The following HMCN1 variants were observed in gnomAD, a reference collection of about 807,000 sequenced individuals.
HMCN1 encodes hemicentin 1, also known as hemicentin-1.
A neutral mutation model predicts 625.9 loss-of-function variants in HMCN1; 321 were observed. That is an observed-to-expected ratio of 0.51 (90% CI 0.47 to 0.56). The LOEUF (loss-of-function observed/expected upper bound fraction) is 0.56, where lower values mean the gene tolerates loss of function less well. HMCN1 is among the 20% of genes least tolerant of loss of function. HMCN1 has a pLI of 0.00. For missense variants in HMCN1, 6,588 were observed against 6,887.3 expected, an observed-to-expected ratio of 0.96 and a Z score of 1.54; for synonymous variants, 2,425 against 2,417.6, an observed-to-expected ratio of 1.00 and a Z score of -0.09.
At chr1:185,753,737 C>A (rs1018760314) in intron 1 of HMCN1, among the ~76,000 whole-genome samples, 2 of 152,074 alleles carry the variant, frequency 1.3e-5, no homozygotes, top group Admixed American at 1.3e-4. Context: ...TCAACTTACA[C>A]CTGTAAGGAT....
chr1:186,088,566 G>A (rs545752872), intron 62 of HMCN1, 40 bp from the exon 63 acceptor site: 4 of 1,599,546 alleles, frequency 2.5e-6, no homozygotes, highest in South Asian at 2.2e-5. Context: ...AAAGTTTAAA[G>A]GTTTTTTTAT....
chr1:186,060,591 A>G (rs1657624518), intron 46 of HMCN1, among the ~76,000 whole-genome samples: 1 of 152,152 alleles, frequency 6.6e-6, no homozygotes, highest in Non-Finnish European at 1.5e-5. Flanking sequence ...TTCAAACAAA[A>G]TGTTACATAG....
intron 64 of HMCN1, among the ~76,000 whole-genome samples, chr1:186,091,931 T>C (rs1186250482): frequency 6.6e-6 from 1 of 152,012 alleles, no homozygotes; most frequent in Non-Finnish European, 1.5e-5. Flanking sequence ...TAAGTTTTAT[T>C]TCTCTGGTGT....
At chr1:185,807,415 A>T (rs1316274469) in intron 1 of HMCN1, among the ~76,000 whole-genome samples, 2 of 152,202 alleles carry the variant, frequency 1.3e-5, no homozygotes, top group Non-Finnish European at 2.9e-5. Context: ...AGGAAAGCAA[A>T]CTAGCATATT....
chr1:185,740,949 G>T (rs1444541011), intron 1 of HMCN1, among the ~76,000 whole-genome samples: 10 of 152,116 alleles, frequency 6.6e-5, no homozygotes, highest in Admixed American at 6.5e-4. Context: ...AGCTGAGATT[G>T]GACCATTGCA....
intron 1 of HMCN1, among the ~76,000 whole-genome samples, chr1:185,751,616 TA>T (rs1373169532): frequency 6.6e-6 from 1 of 152,184 alleles, no homozygotes; most frequent in East Asian, 1.9e-4. Flanking sequence ...CTCCCCTTCA[TA>T]AAACCTTGTT....
rs187193569 is a variant in HMCN1 at position 185,926,278 on chromosome 1, G to A, written c.1430+1087G>A. On this transcript the variant is annotated intron_variant, in intron 9 of 106. Coordinates refer to ENST00000271588, the MANE Select transcript of HMCN1 (RefSeq NM_031935.3). ...TCAGCTTATACAATCGCTTTATGGG[G>A]AGTCATTTTAATCAAAAATTTATGG... 7.4e-3 allele frequency among the ~76,000 whole-genome samples: 1,122 copies of A among 152,184 alleles called. 10 individuals carry two copies. The highest frequency in any genetic ancestry group is 9.9e-3 in the Non-Finnish European group (672 of 68,006).
chr1:185,744,872 T>C (rs1349980057), intron 1 of HMCN1, among the ~76,000 whole-genome samples: 1 of 152,168 alleles, frequency 6.6e-6, no homozygotes, highest in Non-Finnish European at 1.5e-5. Flanking sequence ...GTTTTTATTT[T>C]AGATCTCTAT....
chr1:185,776,083 T>G (rs1656585295), intron 1 of HMCN1, among the ~76,000 whole-genome samples: 1 of 152,246 alleles, frequency 6.6e-6, no homozygotes, highest in African/African-American at 2.4e-5. Flanking sequence ...TACAGTTTAC[T>G]AGGTGATAAG....
chr1:185,879,884 G>A (rs1456890659), intron 4 of HMCN1, among the ~76,000 whole-genome samples: 1 of 152,150 alleles, frequency 6.6e-6, no homozygotes, highest in Admixed American at 6.6e-5. Flanking sequence ...ACACTGTAGT[G>A]ACAGTAAGAC....
At chr1:185,748,531 T>C (rs913708865) in intron 1 of HMCN1, among the ~76,000 whole-genome samples, 28 of 152,230 alleles carry the variant, frequency 1.8e-4, no homozygotes, top group Admixed American at 1.7e-3. Flanking sequence ...ATTTGTGCCT[T>C]TGATAATATT....
At chr1:185,930,634 T>C (rs1667495683) in intron 10 of HMCN1, among the ~76,000 whole-genome samples, 1 of 152,176 alleles carries the variant, frequency 6.6e-6, no homozygotes, top group Non-Finnish European at 1.5e-5. Flanking sequence ...GCCTCAATTT[T>C]TGCCAGCACT....
chr1:185,848,561 A>T (rs1283302505), intron 2 of HMCN1, among the ~76,000 whole-genome samples: 1 of 152,080 alleles, frequency 6.6e-6, no homozygotes, highest in African/African-American at 2.4e-5. Flanking sequence ...AATATGCTTT[A>T]GCCTTGACCT....
chr1:186,181,759 T>C (rs1652949896), intron 104 of HMCN1, among the ~76,000 whole-genome samples: 1 of 152,138 alleles, frequency 6.6e-6, no homozygotes, highest in Admixed American at 6.6e-5. Context: ...ATAGTCCTTT[T>C]TGCAAGTAAT....
chr1:186,068,101 T>C (rs1658243424), intron 50 of HMCN1, 94 bp downstream of exon 50: 3 of 1,192,528 alleles, frequency 2.5e-6, no homozygotes, highest in Admixed American at 3.4e-5. Flanking sequence ...AAAACACCAA[T>C]GTTTTGTTGG....
Position 186,074,778 on chromosome 1 carries a change from A to G in HMCN1, c.8177A>G (p.Asn2726Ser), listed in dbSNP as rs1478872199. ...GATGATCATGTTAATATTGCTGCGA[A>G]TGGACACACACTTCAAATAAAGGAG... The part of the protein sequence containing the change: ...KSDDHVNIAA[N>S]GHTLQIKEAQ... The change falls in exon 53 of 107, where the codon AAT (asparagine) becomes AGT (serine). Residue 2726 changes from asparagine (N) to serine (S), a missense_variant. Physicochemically the swap from Asn to Ser is conservative, Grantham distance 46. Transcript: ENST00000271588. 3 of 1,612,958 alleles carry G rather than the reference A, an allele frequency of 1.9e-6. No individual in the cohort carries two copies. Among genetic ancestry groups the G allele is most frequent in the Non-Finnish European group, 2.5e-6 (3 of 1,179,354 alleles).
intron 39 of HMCN1, 47 bp downstream of exon 39, chr1:186,039,926 G>A: frequency 6.5e-7 from 1 of 1,534,434 alleles, no homozygotes; most frequent in South Asian, 1.1e-5. Context: ...TGATTATTCA[G>A]TACAGGAAGT....
chr1:185,815,459 C>T (rs1481923964), intron 1 of HMCN1, among the ~76,000 whole-genome samples: 1 of 150,150 alleles, frequency 6.7e-6, no homozygotes, highest in African/African-American at 2.5e-5. Flanking sequence ...CTCATCCATG[C>T]TGCCTATAAA....
chr1:186,114,403 G>T (rs112932206), intron 73 of HMCN1, among the ~76,000 whole-genome samples: 1 of 151,888 alleles, frequency 6.6e-6, no homozygotes, highest in African/African-American at 2.4e-5. Context: ...GATTAAAGAC[G>T]CACGCCAGCA....
Sources: gnomAD v4.1 joint callset for allele counts (sites outside exome capture counted in the v4.1 genomes callset) on GRCh38, gnomAD v4.1.1 for gene constraint, MANE v1.5 for transcripts, NCBI Gene and HGNC (gene_info 2026-07-23, HGNC 2026-07-21) for gene names.